ACBD6: variants seen among roughly 807,000 people sequenced by gnomAD.
ACBD6 encodes the protein acyl-CoA binding domain containing 6, also known as acyl-CoA-binding domain-containing protein 6.
ACBD6 carries 28 observed loss-of-function variants against 37.2 expected under a neutral mutation model. The ratio of observed to expected loss-of-function variants is 0.75; its 90% CI spans 0.56 to 1.03. ACBD6 has a LOEUF of 1.03. Among genes scored for constraint, ACBD6 ranks in the 50% least tolerant of loss-of-function variants. The pLI is 0.00. For missense variants in ACBD6, 340 were observed against 337.4 expected (o/e 1.01, Z -0.06); for synonymous variants, 113 against 126.8 (o/e 0.89, Z 0.73).
chr1:180,284,346 C>T (rs774811631), downstream of ACBD6, among the ~76,000 whole-genome samples: 2 of 150,646 alleles, frequency 1.3e-5, no homozygotes, highest in African/African-American at 2.4e-5. Context: ...CACATGATTA[C>T]GAAAGATGGT....
chr1:180,286,338 A>G (rs1182397294), downstream of ACBD6, among the ~76,000 whole-genome samples: 1 of 152,226 alleles, frequency 6.6e-6, no homozygotes, highest in African/African-American at 2.4e-5. Context: ...GATGCGGCAA[A>G]ACAGGTAATA....
At position 180,423,936 on chromosome 1, in the gene ACBD6, A is replaced by AAT. The variant is rs1336532100; in HGVS notation, c.467+6242_467+6243dup. On this transcript the variant is annotated intron_variant, in intron 4 of 7. Coordinates refer to ENST00000367595, the MANE Select transcript of ACBD6 (RefSeq NM_032360.4). Reference sequence around the variant, plus strand: ...TCAGTAAGATAATCGATCCAAAGGAAATATCATCATCAGTACATTGATACA... The same window carrying AAT: ...TCAGTAAGATAATCGATCCAAAGGAAATATATCATCATCAGTACATTGATACA... Among the ~76,000 whole-genome samples, 3 of 152,312 alleles carry AAT rather than the reference A, an allele frequency of 2.0e-5. No homozygotes were observed. In the East Asian group the frequency reaches 5.8e-4, roughly 29 times the overall value.
intron 9 of ACBD6, chr1:180,278,268 G>A (rs1297763772): frequency 6.6e-6 from 1 of 152,224 alleles, no homozygotes; most frequent in South Asian, 2.1e-4. Context: ...GCGGAAATGA[G>A]TTTTGTTTTA....
chr1:180,429,902 T>C (rs1648745938), intron 4 of ACBD6, among the ~76,000 whole-genome samples: 1 of 152,176 alleles, frequency 6.6e-6, no homozygotes, highest in African/African-American at 2.4e-5. Flanking sequence ...CAATGAAAAG[T>C]AATTATTATC....
intron 4 of ACBD6, among the ~76,000 whole-genome samples, chr1:180,416,229 C>T (rs1461124085): frequency 6.6e-6 from 1 of 152,122 alleles, no homozygotes; most frequent in Non-Finnish European, 1.5e-5. Flanking sequence ...GAAACATCTA[C>T]AGCAATATCA....
At chr1:180,485,548 A>G (rs997977376) in intron 3 of ACBD6, among the ~76,000 whole-genome samples, 1 of 152,236 alleles carries the variant, frequency 6.6e-6, no homozygotes, top group Non-Finnish European at 1.5e-5. Context: ...GCCACAAGTC[A>G]AACAATGCCT....
intron 6 of ACBD6, among the ~76,000 whole-genome samples, chr1:180,340,633 C>T (rs1230174439): frequency 6.6e-6 from 1 of 150,396 alleles, no homozygotes; most frequent in African/African-American, 2.4e-5. Context: ...ACTGATAATA[C>T]AAAAACAAAA....
At chr1:180,327,010 T>A (rs1292846333) in intron 6 of ACBD6, among the ~76,000 whole-genome samples, 1 of 152,146 alleles carries the variant, frequency 6.6e-6, no homozygotes, top group African/African-American at 2.4e-5. Context: ...GCACTCCCTT[T>A]GTTGCCCTAG....
At chr1:180,327,356 A>G (rs964657547) in intron 6 of ACBD6, among the ~76,000 whole-genome samples, 1 of 152,266 alleles carries the variant, frequency 6.6e-6, no homozygotes, top group Admixed American at 6.5e-5. Context: ...CTCCAAGTGC[A>G]CAGATTCTCT....
chr1:180,484,725 C>T (rs1419086357), intron 3 of ACBD6, among the ~76,000 whole-genome samples: 1 of 152,012 alleles, frequency 6.6e-6, no homozygotes, highest in Non-Finnish European at 1.5e-5. Flanking sequence ...TATCTACGCA[C>T]GTATGTATAC....
intron 6 of ACBD6, among the ~76,000 whole-genome samples, chr1:180,323,001 A>C (rs758453006): frequency 4.6e-5 from 7 of 151,768 alleles, no homozygotes; most frequent in Non-Finnish European, 8.8e-5. Flanking sequence ...CAGGCGCTAT[A>C]AACTTCTCTC....
chr1:180,460,080 A>G (rs1288228402), intron 3 of ACBD6, among the ~76,000 whole-genome samples: 2 of 147,616 alleles, frequency 1.4e-5, no homozygotes, highest in African/African-American at 2.5e-5. Context: ...TGCTGCACCC[A>G]TTAACTCATC....
chr1:180,307,953 T>G (rs1350599735), intron 7 of ACBD6, among the ~76,000 whole-genome samples: 1 of 152,196 alleles, frequency 6.6e-6, no homozygotes, highest in Non-Finnish European at 1.5e-5. Context: ...AGACTCTGTC[T>G]CAAAAAACAA....
intron 6 of ACBD6, among the ~76,000 whole-genome samples, chr1:180,387,219 A>C (rs1653877313): frequency 6.6e-6 from 1 of 152,110 alleles, no homozygotes; most frequent in Non-Finnish European, 1.5e-5. Context: ...TGTCATGTTA[A>C]TTTTGGTCAG....
At chr1:180,410,730 C>T (rs148215406) in intron 5 of ACBD6, among the ~76,000 whole-genome samples, 1 of 152,170 alleles carries the variant, frequency 6.6e-6, no homozygotes, top group South Asian at 2.1e-4. Context: ...TCCAAGAGTG[C>T]TCATGGAAAT....
rs34828086 is a variant in ACBD6 at position 180,282,972 on chromosome 1, GTTTTTTTTTT to G, written c.*94-1596_*94-1587del. ...TATAAACAATAATATATGTCTTTCT[GTTTTTTTTTT>G]TTTTTTTTTTTGGAAGGGTTCCAAA... On this transcript the variant is annotated intron_variant, in intron 8 of 13. Coordinates refer to the ACBD6 transcript ENST00000642319. Among the ~76,000 whole-genome samples, 47 of 110,022 alleles carry G rather than the reference GTTTTTTTTTT, an allele frequency of 4.3e-4. No individual in the cohort carries two copies. The South Asian group carries it at 9.9e-3, about 23-fold the overall frequency. The allele number at this position is 110,022 out of a possible 152,430, so 72.2% of individuals were successfully genotyped here. A position where few individuals can be genotyped will look rare whatever the true frequency, so the allele number is the denominator to read the frequency against.
intron 6 of ACBD6, among the ~76,000 whole-genome samples, chr1:180,378,820 C>T (rs552477546): frequency 2.6e-5 from 4 of 152,138 alleles, no homozygotes; most frequent in Non-Finnish European, 4.4e-5. Flanking sequence ...CACTGGCCCA[C>T]TCCACCCATC....
chr1:180,366,642 A>T (rs994197470), intron 6 of ACBD6, among the ~76,000 whole-genome samples: 19 of 152,116 alleles, frequency 1.2e-4, no homozygotes, highest in Admixed American at 2.6e-4. Context: ...TCAGATATAA[A>T]CTTAGCAAAG....
intron 3 of ACBD6, among the ~76,000 whole-genome samples, chr1:180,439,543 T>C (rs983411679): frequency 9.9e-5 from 15 of 151,992 alleles, no homozygotes; most frequent in South Asian, 6.2e-4. Context: ...TGAGCCAAGA[T>C]TGCGCTACTG....
Sources: gnomAD v4.1 joint callset for allele counts (sites outside exome capture counted in the v4.1 genomes callset) on GRCh38, gnomAD v4.1.1 for gene constraint, MANE v1.5 for transcripts, NCBI Gene and HGNC (gene_info 2026-07-23, HGNC 2026-07-21) for gene names.